TRIM41: variants seen among roughly 807,000 people sequenced by gnomAD.
TRIM41 encodes the protein E3 ubiquitin-protein ligase TRIM41.
In TRIM41, 21 loss-of-function variants were observed where a neutral mutation model predicts 60.6. The ratio of observed to expected loss-of-function variants is 0.35; its 90% CI spans 0.25 to 0.50. The LOEUF (loss-of-function observed/expected upper bound fraction) is 0.50. TRIM41 is among the 20% of genes least tolerant of loss of function. The pLI, the probability that TRIM41 is intolerant of heterozygous loss-of-function variation, is 0.98. For synonymous variants in TRIM41, 407 were observed against 344.9 expected (o/e 1.18, Z -2.00); for missense variants, 846 against 868.3 (o/e 0.97, Z 0.32).
chr5:181,233,491 G>A lies in TRIM41; in HGVS notation c.1163+56G>A. On this transcript the variant is annotated intron_variant, in intron 4 of 5. Transcript: ENST00000315073. The surrounding 1 kb of genome is among the most constrained non-coding windows in gnomAD (Gnocchi z 4.1). ...CAGTGGCATCTGGTTCCCTGTCCCT[G>A]CTTCTCTTCGGTATCCCTCTCCTCT... 1 of 1,613,934 alleles carries A rather than the reference G, an allele frequency of 6.2e-7. No homozygotes were observed. Among genetic ancestry groups the A allele is most frequent in the Non-Finnish European group, 8.5e-7 (1 of 1,179,946 alleles).
At chr5:181,230,550 T>C in intron 1 of TRIM41, 194 bp from the exon 2 acceptor site, 2 of 341,016 alleles carry the variant, frequency 5.9e-6, no homozygotes, top group Non-Finnish European at 1.1e-5. Flanking sequence ...TCTGCAGACG[T>C]GCACAGAGGG....
intron 1 of TRIM41, chr5:181,226,081 C>T (rs1758539222): frequency 1.3e-5 from 2 of 151,922 alleles, no homozygotes; most frequent in Non-Finnish European, 2.9e-5. Context: ...TCACAAGTAA[C>T]AATTTCTTTT....
chr5:181,224,481 A>C lies in TRIM41; in HGVS notation c.482A>C (p.Glu161Ala). 6.2e-7 allele frequency: 1 copy of C among 1,613,596 alleles called. No homozygotes were observed. Among genetic ancestry groups the C allele is most frequent in the South Asian group, 1.1e-5 (1 of 91,024 alleles). The change falls in exon 1 of 6, where the codon GAG becomes GCG. Residue 161 changes from glutamate (E) to alanine (A), a missense_variant. Coordinates refer to ENST00000315073, the MANE Select transcript of TRIM41 (RefSeq NM_033549.5). ...EDEEEVLEEVEEEDLDPVTPL... is the reference protein window; with the variant it reads ...EDEEEVLEEVAEEDLDPVTPL... The stretch of plus-strand genomic sequence containing the variant: ...GAGGAGGAAGTGCTGGAGGAGGTTG[A>C]GGAAGAGGATCTAGACCCCGTCACC...
At position 181,223,338 on chromosome 5, in the gene TRIM41, G is replaced by T. The variant is rs1241116126; in HGVS notation, c.-662G>T. 5.0e-6 allele frequency: 2 copies of T among 399,520 alleles called. No homozygotes were observed. The highest frequency in any genetic ancestry group is 1.3e-4 in the South Asian group (1 of 7,966). The allele number at this position is 399,520 out of a possible 1,614,324, so 24.7% of individuals were successfully genotyped here. ...GCAGTCGGCTGTGCCGGGAGGGTAG[G>T]ATGGCGTCTGGCCGATGCGGTGATA... On this transcript the variant is annotated 5_prime_UTR_variant, in exon 1 of 6. Transcript: ENST00000315073.
At chr5:181,226,039 G>C (rs7727787) in intron 1 of TRIM41, 1 of 152,034 alleles carries the variant, frequency 6.6e-6, no homozygotes, top group Non-Finnish European at 1.5e-5. Context: ...TCAGCTCTGA[G>C]TGGTACAGCT....
intron 1 of TRIM41, chr5:181,229,098 C>CATTA (rs1758684350): frequency 6.6e-6 from 1 of 152,104 alleles, no homozygotes; most frequent in African/African-American, 2.4e-5. Flanking sequence ...TCCATTATTA[C>CATTA]TGTAATTTTG....
intron 1 of TRIM41, 173 bp from the exon 2 acceptor site, chr5:181,230,571 T>A: frequency 2.0e-6 from 1 of 490,806 alleles, no homozygotes; most frequent in South Asian, 2.3e-5. Context: ...ATTGGAGGCT[T>A]TTGTCATCAT....
In TRIM41 at chr5:181,235,067, G is replaced by C; in HGVS notation, c.*292G>C. 3 of 1,611,740 alleles carry C rather than the reference G, an allele frequency of 1.9e-6. No individual in the cohort carries two copies. The highest frequency in any genetic ancestry group is 8.5e-7 in the Non-Finnish European group (1 of 1,179,360). On this transcript the variant is annotated 3_prime_UTR_variant, in exon 6 of 6. Coordinates refer to ENST00000315073, the MANE Select transcript of TRIM41 (RefSeq NM_033549.5). ...CCCAGTCTGCCTAGCCCAGCCCTGG[G>C]ACTGGAATTTGAGTAGGGGATGAGG...
rs942265769 is a variant in TRIM41, at chr5:181,223,400, C to T, written c.-600C>T. 6 of 399,910 alleles carry T rather than the reference C, an allele frequency of 1.5e-5. No homozygotes were observed. Among genetic ancestry groups the T allele is most frequent in the South Asian group, 2.5e-4 (2 of 8,010 alleles). 24.8% of individuals were successfully genotyped at this position (399,910 alleles called of 1,614,324 possible). On this transcript the variant is annotated 5_prime_UTR_variant, in exon 1 of 6. Transcript: ENST00000315073. ...AGACGGCCGCCAGGCGCTCCCCCTA[C>T]CCCCCGAAGTTTCTCCCCAGCGGCG...
intron 2 of TRIM41, 125 bp downstream of exon 2, chr5:181,230,964 G>A: frequency 2.5e-6 from 2 of 794,594 alleles, no homozygotes; most frequent in Non-Finnish European, 4.4e-6. Context: ...TGGGAGAGGG[G>A]TAGATGCTTT....
Position 181,234,660 on chromosome 5 carries a change from A to G in TRIM41, c.1778A>G (p.Tyr593Cys). Residue 593 changes from tyrosine to cysteine, a missense_variant, in exon 6 of 6, where the codon TAC becomes TGC. Coordinates refer to ENST00000315073, the MANE Select transcript of TRIM41 (RefSeq NM_033549.5). This position sits in a 1 kb window ranked among gnomAD's most constrained non-coding sequence, Gnocchi z 5.6. ...TATGAAGCTGGGCGCCTGGGCTTCT[A>G]CAACGCAGAGACTCTAGCCCACGTG... ...LDYEAGRLGF[Y>C]NAETLAHVHT... The G allele has an allele frequency of 6.2e-7, 1 of 1,614,248 alleles. No individual in the cohort carries two copies. The highest frequency in any genetic ancestry group is 2.2e-5 in the East Asian group (1 of 44,884).
rs1582283796 is a variant in TRIM41, at chr5:181,234,144, C to T, written c.1292-30C>T. 2 of 1,604,088 alleles carry T rather than the reference C, an allele frequency of 1.2e-6. No homozygotes were observed. Among genetic ancestry groups the T allele is most frequent in the Non-Finnish European group, 1.7e-6 (2 of 1,179,870 alleles). On this transcript the variant is annotated intron_variant, in intron 5 of 5. Transcript: ENST00000315073. The surrounding 1 kb of genome is among the most constrained non-coding windows in gnomAD (Gnocchi z 5.6). The stretch of plus-strand genomic sequence containing the variant: ...TGACAGGGGAACAGCCGTTCCAGCC[C>T]TGGCGTATTTGTCCTCCCTCCCTCC...
chr5:181,235,290 G>C lies in TRIM41; in HGVS notation c.*515G>C. On this transcript the variant is annotated 3_prime_UTR_variant, in exon 6 of 6. Transcript: ENST00000315073. ...CAAAGGGTAGAGCTGGGTAATAAAT[G>C]TCTATTCTCCTGGGGAGGAGGGATT... is the stretch of plus-strand genomic sequence containing the variant. 1 of 1,613,904 alleles carries C rather than the reference G, an allele frequency of 6.2e-7. No homozygotes were observed. The highest frequency in any genetic ancestry group is 8.5e-7 in the Non-Finnish European group (1 of 1,179,890).
In TRIM41 at chr5:181,235,550, T is replaced by C. The variant is rs959153377; in HGVS notation, c.*775T>C. The C allele has an allele frequency of 5.1e-6, 5 of 990,036 alleles. No individual in the cohort carries two copies. The Admixed American group carries it at 6.5e-5, about 13-fold the overall frequency. 61.3% of individuals were successfully genotyped at this position (990,036 alleles called of 1,614,324 possible). ...CCAGGTCTGCTCACTGCCAGGCTCC[T>C]CTCCCCTTTGTTCAGTGGAGCTGGC... On this transcript the variant is annotated 3_prime_UTR_variant, in exon 6 of 6. Transcript: ENST00000315073.
Position 181,235,655 on chromosome 5 carries a change from CAGG to C in TRIM41, c.*886_*888del, listed in dbSNP as rs747399238. On this transcript the variant is annotated 3_prime_UTR_variant, in exon 6 of 6. Transcript: ENST00000315073. Reference sequence around the variant, plus strand: ...GAGCCTGGGGACGGGTTTGGGTCCCCAGGAGGAGAGCCTTGGGTATAATCTATT... The same window carrying C: ...GAGCCTGGGGACGGGTTTGGGTCCCCAGGAGAGCCTTGGGTATAATCTATT... 7.9e-6 allele frequency: 4 copies of C among 506,578 alleles called. No homozygotes were observed. Among genetic ancestry groups the C allele is most frequent in the East Asian group, 3.2e-5 (1 of 31,346 alleles). 31.4% of individuals were successfully genotyped at this position (506,578 alleles called of 1,614,324 possible).
chr5:181,234,729 T>A lies in TRIM41; in HGVS notation c.1847T>A (p.Phe616Tyr). The A allele has an allele frequency of 1.2e-6, 2 of 1,613,888 alleles. No individual in the cohort carries two copies. The highest frequency in any genetic ancestry group is 2.7e-5 in the African/African-American group (2 of 75,038). Reference sequence around the variant, plus strand: ...TTCCTGGGCGAGCGTGTCTTTCCTTTCTTCCGGGTGCTCTCCAAGGGCACC... The same window carrying A: ...TTCCTGGGCGAGCGTGTCTTTCCTTACTTCCGGGTGCTCTCCAAGGGCACC... ...AAFLGERVFP[F>Y]FRVLSKGTRI... The change falls in exon 6 of 6, where the codon TTC becomes TAC. Residue 616 changes from phenylalanine (F) to tyrosine (Y), a missense_variant. Transcript: ENST00000315073. This position sits in a 1 kb window ranked among gnomAD's most constrained non-coding sequence, Gnocchi z 5.6.
rs951729042 is a variant in TRIM41 at position 181,223,952 on chromosome 5, C to A, written c.-48C>A. 1.3e-6 allele frequency: 2 copies of A among 1,526,040 alleles called. No individual in the cohort carries two copies. Among genetic ancestry groups the A allele is most frequent in the East Asian group, 2.3e-5 (1 of 43,090 alleles). 94.5% of individuals were successfully genotyped at this position (1,526,040 alleles called of 1,614,324 possible). ...AGGGCGTCGGTAGGGAAGACCCCCG[C>A]CCCTCGCCCCCCCACCGAACCTCTA... is the stretch of plus-strand genomic sequence containing the variant. On this transcript the variant is annotated 5_prime_UTR_variant, in exon 1 of 6. Transcript: ENST00000315073.
Position 181,233,472 on chromosome 5 carries a change from C to T in TRIM41, c.1163+37C>T. ...GTCTTTGCCCTTCGTGACCCAGTGG[C>T]ATCTGGTTCCCTGTCCCTGCTTCTC... is the stretch of plus-strand genomic sequence containing the variant. On this transcript the variant is annotated intron_variant, in intron 4 of 5. Coordinates refer to ENST00000315073, the MANE Select transcript of TRIM41 (RefSeq NM_033549.5). This position sits in a 1 kb window ranked among gnomAD's most constrained non-coding sequence, Gnocchi z 4.1. 6.2e-7 allele frequency: 1 copy of T among 1,614,132 alleles called. No individual in the cohort carries two copies. Among genetic ancestry groups the T allele is most frequent in the Non-Finnish European group, 8.5e-7 (1 of 1,180,000 alleles).
chr5:181,235,339 T>C lies in TRIM41; in HGVS notation c.*564T>C. On this transcript the variant is annotated 3_prime_UTR_variant, in exon 6 of 6. Transcript: ENST00000315073. ...TTCTAAACTTTCCTTCCGTCCTCAA[T>C]TTCTACCTCCATAGACCGGCCAGAA... 2 of 1,614,216 alleles carry C rather than the reference T, an allele frequency of 1.2e-6. No individual in the cohort carries two copies. Among genetic ancestry groups the C allele is most frequent in the Admixed American group, 3.3e-5 (2 of 60,030 alleles).
Sources: gnomAD v4.1 joint callset for allele counts on GRCh38, gnomAD v4.1.1 for gene constraint, Gnocchi (gnomAD v3.1) non-coding constraint, MANE v1.5 for transcripts, NCBI Gene and HGNC (gene_info 2026-07-23, HGNC 2026-07-21) for gene names.